ARHGAP25: variants seen among roughly 807,000 people sequenced by gnomAD.
The protein encoded by ARHGAP25 is Rho GTPase activating protein 25.
In ARHGAP25, 34 loss-of-function variants were observed where a neutral mutation model predicts 71.0. The ratio of observed to expected loss-of-function variants is 0.48; its 90% CI spans 0.36 to 0.64. ARHGAP25 has a LOEUF of 0.64. Among genes scored for constraint, ARHGAP25 ranks in the 30% least tolerant of loss-of-function variants. The pLI is 0.00. For missense variants in ARHGAP25, 706 were observed against 805.1 expected (o/e 0.88, Z 1.49); for synonymous variants, 282 against 296.5 (o/e 0.95, Z 0.50).
chr2:68,754,314 G>A, intron 1 of ARHGAP25, among the ~76,000 whole-genome samples: 1 of 100,472 alleles, frequency 1.0e-5, no homozygotes, highest in East Asian at 2.6e-4. Context: ...CTATGCTTTT[G>A]CTTTTTTCAA....
At chr2:68,760,448 C>T (rs573018831) in intron 1 of ARHGAP25, among the ~76,000 whole-genome samples, 4 of 151,998 alleles carry the variant, frequency 2.6e-5, no homozygotes, top group East Asian at 1.9e-4. Context: ...CCTAAGGATT[C>T]GACCAAAAAG....
chr2:68,807,366 T>G lies in ARHGAP25; in HGVS notation c.560T>G (p.Phe187Cys). ...ATCCTGGTGGAGAAATGTGCAGAGTTCATCCTGGAGCACGGCCGGAATGAA... is the reference window on the plus strand; with the variant it reads ...ATCCTGGTGGAGAAATGTGCAGAGTGCATCCTGGAGCACGGCCGGAATGAA... ...VPILVEKCAEFILEHGRNEEG... is the reference protein window; with the variant it reads ...VPILVEKCAECILEHGRNEEG... The change falls in exon 5 of 11, where the codon TTC (phenylalanine) becomes TGC (cysteine). Residue 187 changes from phenylalanine to cysteine, a missense_variant. Coordinates refer to ENST00000409202, the MANE Select transcript of ARHGAP25 (RefSeq NM_001007231.3). The G allele has an allele frequency of 1.2e-6, 2 of 1,614,226 alleles. No individual in the cohort carries two copies. The highest frequency in any genetic ancestry group is 8.5e-7 in the Non-Finnish European group (1 of 1,180,036).
intron 4 of ARHGAP25, among the ~76,000 whole-genome samples, chr2:68,799,759 G>A (rs539227201): frequency 2.6e-5 from 4 of 152,356 alleles, no homozygotes; most frequent in Admixed American, 2.0e-4. Flanking sequence ...AAGAAGGGCC[G>A]GGAGGGCTGG....
At chr2:68,802,407 CAA>C (rs10688959) in intron 4 of ARHGAP25, among the ~76,000 whole-genome samples, 289 of 82,140 alleles carry the variant, frequency 3.5e-3, no homozygotes, top group African/African-American at 0.012. Flanking sequence ...GACTCCATCT[CAA>C]AAAAAAAAAA....
chr2:68,737,588 T>G (rs931408006), intron 1 of ARHGAP25, among the ~76,000 whole-genome samples: 2 of 152,170 alleles, frequency 1.3e-5, no homozygotes, highest in Non-Finnish European at 2.9e-5. Context: ...GAGGGTAATA[T>G]CTTCTCTAAT....
At position 68,775,290 on chromosome 2, in the gene ARHGAP25, T is replaced by C; in HGVS notation, c.131T>C (p.Leu44Pro). ...CATCCATCGTCCACCCCCAACCCGC[T>C]GGAGAGGCCCATCAAGATGGGCTGG... is the stretch of plus-strand genomic sequence containing the variant. ...AFHPSSTPNP[L>P]ERPIKMGWLK... Residue 44 changes from leucine (L) to proline (P), a missense_variant, in exon 2 of 11, where the codon CTG becomes CCG. Leu to Pro is a moderately conservative substitution (Grantham distance 98). Transcript: ENST00000409202. 6.2e-7 allele frequency: 1 copy of C among 1,614,186 alleles called. No individual in the cohort carries two copies. The highest frequency in any genetic ancestry group is 8.5e-7 in the Non-Finnish European group (1 of 1,180,026).
chr2:68,735,405 G>A, intron 1 of ARHGAP25, 145 bp downstream of exon 1: 3 of 828,590 alleles, frequency 3.6e-6, no homozygotes, highest in South Asian at 3.2e-5. Flanking sequence ...ATTTAAGTTG[G>A]CATGCCAGGT....
intron 2 of ARHGAP25, among the ~76,000 whole-genome samples, chr2:68,723,658 C>T (rs1468201512): frequency 6.6e-6 from 1 of 152,230 alleles, no homozygotes; most frequent in African/African-American, 2.4e-5. Context: ...TCTTCTATCC[C>T]TAGTCCCAGC....
intron 2 of ARHGAP25, among the ~76,000 whole-genome samples, chr2:68,715,464 G>A (rs1674586374): frequency 6.6e-6 from 1 of 152,194 alleles, no homozygotes; most frequent in Admixed American, 6.5e-5. Context: ...GGGTGGGCAC[G>A]TGACCCTGCT....
intron 1 of ARHGAP25, among the ~76,000 whole-genome samples, chr2:68,738,092 G>A (rs531755995): frequency 7.9e-5 from 12 of 152,306 alleles, no homozygotes; most frequent in Non-Finnish European, 1.6e-4. Flanking sequence ...GGAAAATGCA[G>A]AACAAACAGT....
intron 8 of ARHGAP25, among the ~76,000 whole-genome samples, chr2:68,818,729 T>C (rs1681415504): frequency 4.6e-5 from 7 of 152,252 alleles, no homozygotes; most frequent in Admixed American, 3.9e-4. Context: ...ATATCTGCCA[T>C]GGGCATGGGG....
intron 1 of ARHGAP25, among the ~76,000 whole-genome samples, chr2:68,764,759 T>C (rs1478657098): frequency 1.3e-5 from 2 of 152,200 alleles, no homozygotes; most frequent in Non-Finnish European, 2.9e-5. Flanking sequence ...CAGGATTTTC[T>C]TGGGCCCTTT....
intron 4 of ARHGAP25, among the ~76,000 whole-genome samples, chr2:68,804,323 G>A (rs1680207663): frequency 6.6e-6 from 1 of 152,164 alleles, no homozygotes; most frequent in Non-Finnish European, 1.5e-5. Flanking sequence ...GACCTCTGGA[G>A]CCTGAGTTTC....
Position 68,826,015 on chromosome 2 carries a change from G to A in ARHGAP25, c.1762G>A (p.Ala588Thr). ...TGAGAAGGAAAATTATGACGTTTGG[G>A]CTAAAGTGGTGAGGCTCAATGAAGA... ...NLEKENYDVW[A>T]KVVRLNEELE... Residue 588 changes from alanine (A) to threonine (T), a missense_variant, in exon 11 of 11, where the codon GCT (alanine) becomes ACT (threonine). Physicochemically the swap from Ala to Thr is moderately conservative, Grantham distance 58. Coordinates refer to ENST00000409202, the MANE Select transcript of ARHGAP25 (RefSeq NM_001007231.3). The A allele has an allele frequency of 1.2e-6, 2 of 1,613,802 alleles. No homozygotes were observed. Among genetic ancestry groups the A allele is most frequent in the Non-Finnish European group, 1.7e-6 (2 of 1,179,916 alleles).
intron 5 of ARHGAP25, among the ~76,000 whole-genome samples, chr2:68,810,462 A>G (rs1366176998): frequency 6.6e-6 from 1 of 152,210 alleles, no homozygotes; most frequent in South Asian, 2.1e-4. Flanking sequence ...AGCAGTGGGC[A>G]TGGCTTGTCA....
At chr2:68,719,379 A>T (rs1486488005) in intron 2 of ARHGAP25, among the ~76,000 whole-genome samples, 3 of 150,892 alleles carry the variant, frequency 2.0e-5, no homozygotes, top group African/African-American at 7.3e-5. Flanking sequence ...GTCAGAACCG[A>T]ATTGAATTGT....
intron 4 of ARHGAP25, among the ~76,000 whole-genome samples, chr2:68,791,503 T>A (rs1224284438): frequency 4.6e-5 from 7 of 152,002 alleles, no homozygotes; most frequent in Admixed American, 3.9e-4. Flanking sequence ...TTCCTCCAAG[T>A]ATGTCGGTGG....
chr2:68,807,383 CG>C lies in ARHGAP25; in HGVS notation c.579del (p.Asn194MetfsTer15). 6.2e-7 allele frequency: 1 copy of C among 1,614,210 alleles called. No individual in the cohort carries two copies. Among genetic ancestry groups the C allele is most frequent in the Non-Finnish European group, 8.5e-7 (1 of 1,180,042 alleles). ...KCAEFILEHG[R>X]NEEGIFRLPG... is the part of the protein sequence containing the mutation. ...TGCAGAGTTCATCCTGGAGCACGGC[CG>C]GAATGAAGAGGGCATCTTCCGTCTG... On this transcript the variant is annotated frameshift_variant, in exon 5 of 11. Transcript: ENST00000409202. LOFTEE classifies it high-confidence loss of function.
At chr2:68,771,608 CTG>C (rs1479472674) in intron 1 of ARHGAP25, among the ~76,000 whole-genome samples, 5 of 152,220 alleles carry the variant, frequency 3.3e-5, no homozygotes, top group Non-Finnish European at 5.9e-5. Flanking sequence ...GTGAGCAACA[CTG>C]TGGGCTATGG....
Sources: gnomAD v4.1 joint callset for allele counts (sites outside exome capture counted in the v4.1 genomes callset) on GRCh38, gnomAD v4.1.1 for gene constraint, MANE v1.5 for transcripts, NCBI Gene and HGNC (gene_info 2026-07-23, HGNC 2026-07-21) for gene names.